NT5M: variants seen among roughly 807,000 people sequenced by gnomAD.
NT5M encodes 5'(3')-deoxyribonucleotidase, mitochondrial.
NT5M carries 22 observed loss-of-function variants against 22.2 expected under a neutral mutation model. The ratio of observed to expected loss-of-function variants is 0.99; its 90% CI spans 0.71 to 1.41. The LOEUF (loss-of-function observed/expected upper bound fraction) is 1.41, where lower values mean the gene tolerates loss of function less well. Ranked by LOEUF, NT5M falls within the 40% of genes most tolerant of loss-of-function variation. The pLI, the probability that NT5M is intolerant of heterozygous loss-of-function variation, is 0.00. For synonymous variants in NT5M, 167 were observed against 133.0 expected, an observed-to-expected ratio of 1.26 and a Z score of -1.76; for missense variants, 322 against 314.8, an observed-to-expected ratio of 1.02 and a Z score of -0.17.
chr17:17,306,404 A>T (rs1465659873), intron 1 of NT5M, 139 bp from the exon 2 acceptor site: 5 of 690,920 alleles, frequency 7.2e-6, no homozygotes, highest in Non-Finnish European at 1.0e-5. Flanking sequence ...TACCCCCAGG[A>T]AGTACGTCCT....
intron 3 of NT5M, among the ~76,000 whole-genome samples, chr17:17,342,853 G>T (rs1157329164): frequency 6.6e-6 from 1 of 152,188 alleles, no homozygotes; most frequent in Non-Finnish European, 1.5e-5. Flanking sequence ...GCCTCCTCCT[G>T]CTATGTGCAC....
intron 1 of NT5M, among the ~76,000 whole-genome samples, chr17:17,305,473 T>A: frequency 6.7e-6 from 1 of 148,826 alleles, no homozygotes; most frequent in East Asian, 2.0e-4. Context: ...CTGCTCTGTC[T>A]GTATTCCCTT....
intron 2 of NT5M, among the ~76,000 whole-genome samples, chr17:17,307,112 C>T (rs556652664): frequency 1.8e-4 from 28 of 152,030 alleles, no homozygotes; most frequent in East Asian, 7.8e-4. Context: ...GCAGGAGAAA[C>T]GCTTGAACCC....
In NT5M at chr17:17,321,228, G is replaced by C. The variant is rs538717534; in HGVS notation, c.369-1957G>C. Among the ~76,000 whole-genome samples the C allele has an allele frequency of 8.5e-4, 130 of 152,208 alleles. No homozygotes were observed. The Middle Eastern group carries it at 0.02, about 24-fold the overall frequency. ...AAGGATAGCAAGCGGGCATTCGGGA[G>C]GTGCCAGCATGCGTTTGAATGAGGT... On this transcript the variant is annotated intron_variant, in intron 2 of 4. Transcript: ENST00000389022.
At chr17:17,346,767 C>T in intron 4 of NT5M, 38 bp from the exon 5 acceptor site, 1 of 1,603,244 alleles carries the variant, frequency 6.2e-7, no homozygotes, top group Non-Finnish European at 8.5e-7. Flanking sequence ...CGCTCCAGGT[C>T]TCCACTGCTG....
intron 3 of NT5M, among the ~76,000 whole-genome samples, chr17:17,336,234 C>T (rs1274731689): frequency 6.6e-6 from 1 of 150,794 alleles, no homozygotes; most frequent in Non-Finnish European, 1.5e-5. Flanking sequence ...GATCTCCTGA[C>T]CTCGTGATCC....
At chr17:17,304,510 CA>C in intron 1 of NT5M, 1 of 892,478 alleles carries the variant, frequency 1.1e-6, no homozygotes, top group Non-Finnish European at 1.3e-6. Context: ...GCAAAAGGAA[CA>C]GGGGATTTTG....
intron 2 of NT5M, among the ~76,000 whole-genome samples, chr17:17,314,305 G>C (rs910105134): frequency 2.6e-5 from 4 of 152,138 alleles, no homozygotes; most frequent in Non-Finnish European, 5.9e-5. Context: ...AAAGTGCTAG[G>C]ATTACAGGCG....
At chr17:17,309,675 CTTT>C (rs34209605) in intron 2 of NT5M, among the ~76,000 whole-genome samples, 135 of 120,990 alleles carry the variant, frequency 1.1e-3, no homozygotes, top group Non-Finnish European at 1.4e-3. Context: ...GCTCAAGCAT[CTTT>C]TTTTTTTTTT....
intron 3 of NT5M, among the ~76,000 whole-genome samples, chr17:17,338,677 G>GTTTTTTTT (rs59650601): frequency 4.5e-3 from 330 of 73,096 alleles, no homozygotes; most frequent in Middle Eastern, 9.6e-3. Flanking sequence ...AATGTTAAGG[G>GTTTTTTTT]TTTTTTTTTT....
intron 3 of NT5M, among the ~76,000 whole-genome samples, chr17:17,329,457 T>C (rs1453413228): frequency 6.6e-6 from 1 of 152,162 alleles, no homozygotes; most frequent in Non-Finnish European, 1.5e-5. Flanking sequence ...GCATGACCTG[T>C]ACCTTTTCAC....
At chr17:17,344,151 C>T (rs768164056) in intron 3 of NT5M, among the ~76,000 whole-genome samples, 5 of 152,144 alleles carry the variant, frequency 3.3e-5, no homozygotes, top group African/African-American at 9.7e-5. Context: ...TGCTATCCAT[C>T]GGCCCAGACA....
At position 17,327,839 on chromosome 17, in the gene NT5M, A is replaced by G. The variant is rs1341121984; in HGVS notation, c.429+4594A>G. Among the ~76,000 whole-genome samples the G allele has an allele frequency of 3.8e-5, 2 of 53,262 alleles. 1 individual carries two copies. Among genetic ancestry groups the G allele is most frequent in the Non-Finnish European group, 8.5e-5 (2 of 23,668 alleles). 34.9% of individuals were successfully genotyped at this position (53,262 alleles called of 152,430 possible). On this transcript the variant is annotated intron_variant, in intron 3 of 4. Coordinates refer to ENST00000389022, the MANE Select transcript of NT5M (RefSeq NM_020201.4). Reference sequence around the variant, plus strand: ...CAATTTTTTTGTATTTTTAATAGAGATGGGGTTTCACCATGTTGGCCAGGC... The same window carrying G: ...CAATTTTTTTGTATTTTTAATAGAGGTGGGGTTTCACCATGTTGGCCAGGC...
intron 2 of NT5M, among the ~76,000 whole-genome samples, chr17:17,319,464 A>C (rs1303052497): frequency 6.6e-6 from 1 of 152,182 alleles, no homozygotes; most frequent in Non-Finnish European, 1.5e-5. Context: ...ATCTCAGTAA[A>C]ACTTTTAAGA....
chr17:17,338,820 A>G (rs368681716), intron 3 of NT5M, among the ~76,000 whole-genome samples: 1 of 140,476 alleles, frequency 7.1e-6, no homozygotes, highest in Non-Finnish European at 1.5e-5. Context: ...TCCACCTCCC[A>G]GGTTCACACC....
chr17:17,339,670 G>A (rs2049597894), intron 3 of NT5M, among the ~76,000 whole-genome samples: 1 of 152,006 alleles, frequency 6.6e-6, no homozygotes, highest in African/African-American at 2.4e-5. Context: ...AGTTTTTTGA[G>A]GGTTTTTATC....
chr17:17,309,024 A>G (rs1042184191), intron 2 of NT5M, among the ~76,000 whole-genome samples: 1 of 152,062 alleles, frequency 6.6e-6, no homozygotes, highest in Non-Finnish European at 1.5e-5. Context: ...CAGTTGATAG[A>G]TGTTTGGGCA....
chr17:17,336,375 A>C (rs1174064616), intron 3 of NT5M, among the ~76,000 whole-genome samples: 4 of 151,728 alleles, frequency 2.6e-5, no homozygotes, highest in Admixed American at 2.0e-4. Flanking sequence ...CCCCCTTCCC[A>C]GCCTCTACTA....
At chr17:17,327,880 A>G (rs1445984496) in intron 3 of NT5M, among the ~76,000 whole-genome samples, 1 of 37,520 alleles carries the variant, frequency 2.7e-5, no homozygotes, top group Non-Finnish European at 6.2e-5. Context: ...TCAAACTCCT[A>G]GCCTCAAAGT....
Sources: gnomAD v4.1 joint callset for allele counts (sites outside exome capture counted in the v4.1 genomes callset) on GRCh38, gnomAD v4.1.1 for gene constraint, MANE v1.5 for transcripts, NCBI Gene and HGNC (gene_info 2026-07-23, HGNC 2026-07-21) for gene names.